The following NAALADL2 variants were observed in gnomAD, a reference collection of about 807,000 sequenced individuals.
The protein encoded by NAALADL2 is N-acetylated alpha-linked acidic dipeptidase like 2.
Under a neutral mutation model 87.2 loss-of-function variants are expected in NAALADL2, and 76 were observed. The observed-to-expected ratio is 0.87, with a 90% CI of 0.72 to 1.05. The LOEUF is 1.05. Among genes scored for constraint, NAALADL2 ranks in the 50% least tolerant of loss-of-function variants. The pLI, the probability that NAALADL2 is intolerant of heterozygous loss-of-function variation, is 0.00. For synonymous variants in NAALADL2, 354 were observed against 331.0 expected, an observed-to-expected ratio of 1.07 and a Z score of -0.75; for missense variants, 1,089 against 945.8, an observed-to-expected ratio of 1.15 and a Z score of -1.99.
chr3:174,735,301 A>G (rs1050290994), intron 2 of NAALADL2, among the ~76,000 whole-genome samples: 2 of 152,324 alleles, frequency 1.3e-5, no homozygotes, highest in South Asian at 2.1e-4. Flanking sequence ...ATGCTGGGCA[A>G]TGTGTGGGGC....
At chr3:175,054,314 A>C (rs1364953920) in intron 1 of NAALADL2, among the ~76,000 whole-genome samples, 1 of 152,220 alleles carries the variant, frequency 6.6e-6, no homozygotes, top group Non-Finnish European at 1.5e-5. Flanking sequence ...AATGCAAACC[A>C]TTCACAGTCT....
At chr3:174,686,756 T>C (rs1328680039) in intron 2 of NAALADL2, among the ~76,000 whole-genome samples, 1 of 152,110 alleles carries the variant, frequency 6.6e-6, no homozygotes, top group Non-Finnish European at 1.5e-5. Context: ...AGACTGAAAC[T>C]GGACCTCTTC....
intron 9 of NAALADL2, among the ~76,000 whole-genome samples, chr3:175,526,818 A>C (rs1378392794): frequency 6.6e-6 from 1 of 152,168 alleles, no homozygotes; most frequent in African/African-American, 2.4e-5. Context: ...CGAGAGCATT[A>C]CTTTCACTTT....
chr3:175,183,954 C>A (rs1286325352), intron 2 of NAALADL2, among the ~76,000 whole-genome samples: 2 of 150,850 alleles, frequency 1.3e-5, no homozygotes, highest in African/African-American at 4.9e-5. Flanking sequence ...CACTGTGCGG[C>A]CACCCTCAAA....
intron 2 of NAALADL2, among the ~76,000 whole-genome samples, chr3:175,193,391 T>C (rs531415849): frequency 6.6e-6 from 1 of 151,868 alleles, no homozygotes; most frequent in Non-Finnish European, 1.5e-5. Context: ...CGGGCCCTTA[T>C]GCATGTGTAA....
At chr3:175,463,338 T>C in intron 6 of NAALADL2, 63 bp from the exon 7 acceptor site, 4 of 1,044,180 alleles carry the variant, frequency 3.8e-6, no homozygotes. Context: ...AAATAAATTT[T>C]AAGGTTTAAA....
chr3:174,469,965 CT>C (rs1021721536), intron 1 of NAALADL2, among the ~76,000 whole-genome samples: 3 of 152,024 alleles, frequency 2.0e-5, no homozygotes, highest in Non-Finnish European at 4.4e-5. Flanking sequence ...CTTTATAGTA[CT>C]TTGAAAGTTT....
At chr3:175,740,549 G>A (rs1242845534) in intron 12 of NAALADL2, among the ~76,000 whole-genome samples, 1 of 152,154 alleles carries the variant, frequency 6.6e-6, no homozygotes, top group Non-Finnish European at 1.5e-5. Flanking sequence ...ACCCAGACTT[G>A]GGAGTGTTCT....
chr3:175,091,417 C>T lies in NAALADL2; in HGVS notation c.44-5373C>T, dbSNP rs115507109. Among the ~76,000 whole-genome samples the T allele has an allele frequency of 7.9e-3, 1,197 of 152,130 alleles. 9 individuals carry two copies. Among genetic ancestry groups the T allele is most frequent in the African/African-American group, 0.027 (1,142 of 41,532 alleles). On this transcript the variant is annotated intron_variant, in intron 1 of 13. Transcript: ENST00000454872. Reference sequence around the variant, plus strand: ...TATCATTTTACAATAAAGATTTAATCATGGATTGTCATAGGAAATTGAGAT... The same window carrying T: ...TATCATTTTACAATAAAGATTTAATTATGGATTGTCATAGGAAATTGAGAT...
chr3:175,444,352 A>G (rs1429402486), intron 5 of NAALADL2, among the ~76,000 whole-genome samples: 2 of 152,208 alleles, frequency 1.3e-5, no homozygotes, highest in African/African-American at 2.4e-5. Flanking sequence ...GCGTTTGTAC[A>G]GACATTGTCT....
chr3:175,713,137 C>T (rs1283655747), intron 11 of NAALADL2, among the ~76,000 whole-genome samples: 1 of 152,058 alleles, frequency 6.6e-6, no homozygotes, highest in African/African-American at 2.4e-5. Context: ...CATATAAAAA[C>T]TCTGAATTAG....
chr3:175,666,860 A>G (rs1211925193), intron 11 of NAALADL2, among the ~76,000 whole-genome samples: 1 of 152,128 alleles, frequency 6.6e-6, no homozygotes. Flanking sequence ...TTAAAGTCCA[A>G]CTAATAATAA....
chr3:174,901,858 G>A (rs1005034763), intron 1 of NAALADL2, among the ~76,000 whole-genome samples: 1 of 152,164 alleles, frequency 6.6e-6, no homozygotes, highest in African/African-American at 2.4e-5. Flanking sequence ...ATATGCATGG[G>A]CTTTATGTTG....
chr3:174,561,931 T>A (rs1515593), intron 2 of NAALADL2, among the ~76,000 whole-genome samples: 81,593 of 152,038 alleles, frequency 0.54, 23,722 homozygotes, highest in East Asian at 0.78. Context: ...TTTGTAAAAA[T>A]GTTCTTTGTC....
At chr3:174,791,659 T>G (rs1717465672) in intron 3 of NAALADL2, among the ~76,000 whole-genome samples, 1 of 152,200 alleles carries the variant, frequency 6.6e-6, no homozygotes, top group Admixed American at 6.6e-5. Context: ...CTGGACCAAA[T>G]ACTGTATTAG....
intron 6 of NAALADL2, among the ~76,000 whole-genome samples, chr3:175,449,463 T>G (rs889742151): frequency 2.7e-5 from 4 of 148,474 alleles, no homozygotes; most frequent in African/African-American, 2.5e-5. Flanking sequence ...TGGCACAGTC[T>G]CGGCTCACTG....
chr3:174,533,288 G>A (rs917584403), intron 1 of NAALADL2, among the ~76,000 whole-genome samples: 1 of 151,632 alleles, frequency 6.6e-6, no homozygotes, highest in Admixed American at 6.6e-5. Flanking sequence ...AAGTAAAATT[G>A]TTTGCTAAGA....
At chr3:175,012,980 C>T (rs867738927) in intron 1 of NAALADL2, among the ~76,000 whole-genome samples, 6 of 112,820 alleles carry the variant, frequency 5.3e-5, no homozygotes, top group African/African-American at 1.0e-4. Context: ...TATATATATA[C>T]ACAAAAATAT....
intron 10 of NAALADL2, among the ~76,000 whole-genome samples, chr3:175,579,441 C>T (rs1031957080): frequency 6.6e-6 from 1 of 152,162 alleles, no homozygotes; most frequent in African/African-American, 2.4e-5. Flanking sequence ...TGTAGTTTCT[C>T]TGGATGCAAA....
Sources: gnomAD v4.1 joint callset for allele counts (sites outside exome capture counted in the v4.1 genomes callset) on GRCh38, gnomAD v4.1.1 for gene constraint, MANE v1.5 for transcripts, NCBI Gene and HGNC (gene_info 2026-07-23, HGNC 2026-07-21) for gene names.